The following C8orf34 variants were observed in gnomAD, a reference collection of about 807,000 sequenced individuals.
C8orf34 encodes uncharacterized protein C8orf34.
In C8orf34, 65 loss-of-function variants were observed where a neutral mutation model predicts 68.3. The ratio of observed to expected loss-of-function variants is 0.95; its 90% confidence interval spans 0.78 to 1.17. C8orf34 has a LOEUF of 1.17. C8orf34 is among the 50% of genes most tolerant of loss of function. C8orf34 has a pLI of 0.00. For missense variants in C8orf34, 664 were observed against 655.4 expected, an observed-to-expected ratio of 1.01 and a Z score of -0.14; for synonymous variants, 244 against 241.2, an observed-to-expected ratio of 1.01 and a Z score of -0.11.
intron 8 of C8orf34, chr8:68,695,702 G>A (rs1416820126): frequency 6.6e-6 from 1 of 151,992 alleles, no homozygotes; most frequent in Admixed American, 6.6e-5. Context: ...AGCTAAGCAA[G>A]GTTGAGCCTG....
At chr8:68,703,047 C>A (rs1821065383) in intron 8 of C8orf34, among the ~76,000 whole-genome samples, 1 of 152,086 alleles carries the variant, frequency 6.6e-6, no homozygotes, top group Admixed American at 6.6e-5. Flanking sequence ...GCAACCAATC[C>A]CCTTAATGAG....
intron 1 of C8orf34, among the ~76,000 whole-genome samples, chr8:68,413,087 C>A (rs1003885005): frequency 6.6e-6 from 1 of 152,152 alleles, no homozygotes; most frequent in Non-Finnish European, 1.5e-5. Flanking sequence ...AAATACACTA[C>A]CTACTATAAC....
chr8:68,468,853 C>G (rs749436126), intron 4 of C8orf34, 33 bp downstream of exon 4: 1 of 1,593,272 alleles, frequency 6.3e-7, no homozygotes, highest in Non-Finnish European at 8.5e-7. Context: ...AATTGAAACT[C>G]CTAACCAATA....
intron 5 of C8orf34, 23 bp from the exon 6 acceptor site, chr8:68,521,776 G>T: frequency 1.9e-6 from 3 of 1,601,164 alleles, no homozygotes; most frequent in Non-Finnish European, 1.7e-6. Flanking sequence ...ATCTAAGACA[G>T]CATATTCTTT....
upstream of C8orf34, chr8:68,330,939 T>C: frequency 8.4e-7 from 1 of 1,184,346 alleles, no homozygotes; most frequent in Non-Finnish European, 1.1e-6. Flanking sequence ...AAGGAACCTC[T>C]GCCTCGAATT....
chr8:68,665,435 A>C (rs891386436), intron 8 of C8orf34, among the ~76,000 whole-genome samples: 2 of 152,116 alleles, frequency 1.3e-5, no homozygotes, highest in African/African-American at 4.8e-5. Flanking sequence ...GCTTTCCTGT[A>C]TTGTTGCATA....
At chr8:68,345,275 A>G (rs1000970755) in intron 1 of C8orf34, among the ~76,000 whole-genome samples, 2 of 152,032 alleles carry the variant, frequency 1.3e-5, no homozygotes, top group African/African-American at 4.8e-5. Context: ...TTGCATTGCT[A>G]GTATCTGAAA....
At chr8:68,480,251 T>C (rs1032650526) in intron 4 of C8orf34, among the ~76,000 whole-genome samples, 1 of 152,192 alleles carries the variant, frequency 6.6e-6, no homozygotes, top group Non-Finnish European at 1.5e-5. Flanking sequence ...ATCAGGGGGT[T>C]CTGCTTTTGG....
At chr8:68,471,949 C>T (rs1355044621) in intron 4 of C8orf34, among the ~76,000 whole-genome samples, 1 of 151,810 alleles carries the variant, frequency 6.6e-6, no homozygotes, top group Non-Finnish European at 1.5e-5. Flanking sequence ...CACACACACA[C>T]ACACACACAC....
intron 5 of C8orf34, among the ~76,000 whole-genome samples, chr8:68,508,189 A>G (rs1156516399): frequency 6.6e-6 from 1 of 152,208 alleles, no homozygotes; most frequent in Non-Finnish European, 1.5e-5. Context: ...TATTGAAGAC[A>G]CTCATCATAT....
intron 10 of C8orf34, among the ~76,000 whole-genome samples, chr8:68,773,668 G>A (rs1049214215): frequency 2.6e-5 from 4 of 152,186 alleles, no homozygotes; most frequent in Non-Finnish European, 5.9e-5. Context: ...TTACAGGTGT[G>A]AGCCGCCACA....
intron 7 of C8orf34, among the ~76,000 whole-genome samples, chr8:68,597,147 G>C (rs1817568292): frequency 6.6e-6 from 1 of 152,008 alleles, no homozygotes; most frequent in African/African-American, 2.4e-5. Flanking sequence ...GGAAGTTTCT[G>C]GTTTTTGACA....
intron 7 of C8orf34, chr8:68,535,838 G>T (rs571455888): frequency 5.1e-6 from 5 of 978,070 alleles, no homozygotes; most frequent in South Asian, 4.7e-5. Flanking sequence ...GAATTTTTAA[G>T]ATATAATCAT....
intron 7 of C8orf34, among the ~76,000 whole-genome samples, chr8:68,637,250 T>C (rs1462186288): frequency 5.9e-5 from 9 of 152,144 alleles, no homozygotes; most frequent in Non-Finnish European, 1.0e-4. Context: ...GATACATGTC[T>C]TATAGTCTTC....
At chr8:68,530,050 G>A (rs2129793375) in intron 6 of C8orf34, among the ~76,000 whole-genome samples, 1 of 151,698 alleles carries the variant, frequency 6.6e-6, no homozygotes, top group African/African-American at 2.4e-5. Flanking sequence ...AAATATATTT[G>A]GTAAGCATAG....
intron 1 of C8orf34, among the ~76,000 whole-genome samples, chr8:68,412,864 C>A (rs924431747): frequency 6.6e-6 from 1 of 152,120 alleles, no homozygotes; most frequent in Admixed American, 6.6e-5. Flanking sequence ...ACCCATTGAT[C>A]CCACCACTTC....
intron 1 of C8orf34, among the ~76,000 whole-genome samples, chr8:68,356,783 A>G (rs1806766823): frequency 1.3e-5 from 2 of 152,154 alleles, no homozygotes; most frequent in African/African-American, 4.8e-5. Context: ...AGTATTCTAC[A>G]TGAAATATAC....
Position 68,439,511 on chromosome 8 carries a change from A to G in C8orf34, c.340A>G (p.Lys114Glu). The change falls in exon 2 of 14, where the codon AAG becomes GAG. Residue 114 changes from lysine (K) to glutamate (E), a missense_variant. Physicochemically the swap from Lys to Glu is moderately conservative, Grantham distance 56. Coordinates refer to ENST00000518698, the MANE Select transcript of C8orf34 (RefSeq NM_052958.4). ...IGPLFEELMTKLITETPDQPI... is the reference protein window; with the variant it reads ...IGPLFEELMTELITETPDQPI... ...ATTCTGCCTTCAGGAATTAATGACC[A>G]AGTTAATAACTGAGACACCTGACCA... 6.2e-7 allele frequency: 1 copy of G among 1,613,176 alleles called. No homozygotes were observed. Among genetic ancestry groups the G allele is most frequent in the Non-Finnish European group, 8.5e-7 (1 of 1,179,594 alleles).
Position 68,401,861 on chromosome 8 carries a change from TTG to T in C8orf34, c.328-37612_328-37611del, listed in dbSNP as rs34713905. Among the ~76,000 whole-genome samples the T allele has an allele frequency of 8.9e-4, 133 of 148,936 alleles. No individual in the cohort carries two copies. In the East Asian group the frequency reaches 0.015, roughly 17 times the overall value. ...AGGGATATTGGTCTACAGTTCTCTT[TTG>T]TGTGTGTGTGTGTGTGTGTGTGTGT... On this transcript the variant is annotated intron_variant, in intron 1 of 13. Coordinates refer to ENST00000518698, the MANE Select transcript of C8orf34 (RefSeq NM_052958.4).
Sources: allele counts gnomAD v4.1 joint callset (sites outside exome capture counted in the v4.1 genomes callset), GRCh38; gene constraint gnomAD v4.1.1; transcripts MANE v1.5; gene names NCBI Gene and HGNC (gene_info 2026-07-23, HGNC 2026-07-21).